The following KIF25 variants were observed in gnomAD, a reference collection of about 807,000 sequenced individuals.
KIF25 encodes kinesin-like protein KIF25.
A neutral mutation model predicts 32.9 loss-of-function variants in KIF25; 19 were observed. That is an observed-to-expected ratio of 0.58 (90% CI 0.40 to 0.85). The LOEUF is 0.85. Ranked by LOEUF, KIF25 falls within the 40% of genes least tolerant of loss-of-function variation. The pLI, the probability that KIF25 is intolerant of heterozygous loss-of-function variation, is 0.00. For missense variants in KIF25, 485 were observed against 507.0 expected (o/e 0.96, Z 0.42); for synonymous variants, 225 against 213.7 (o/e 1.05, Z -0.46).
chr6:168,001,079 T>G lies in KIF25; in HGVS notation c.-369-1464T>G, dbSNP rs1798494310. On this transcript the variant is annotated intron_variant, in intron 2 of 12. Coordinates refer to ENST00000643607, the MANE Select transcript of KIF25 (RefSeq NM_030615.4). The stretch of plus-strand genomic sequence containing the variant: ...GTACTTTCTGCACTTTTTTGACTGG[T>G]GGCCACTTGTCACTTGTCAAAGGAC... Among the ~76,000 whole-genome samples the G allele has an allele frequency of 2.0e-5, 3 of 152,384 alleles. No homozygotes were observed. In the South Asian group the frequency reaches 6.2e-4, roughly 32 times the overall value.
In KIF25 at chr6:168,030,789, G is replaced by C; in HGVS notation, c.109G>C (p.Glu37Gln). The C allele has an allele frequency of 6.2e-7, 1 of 1,612,910 alleles. No individual in the cohort carries two copies. The highest frequency in any genetic ancestry group is 8.5e-7 in the Non-Finnish European group (1 of 1,179,550). ...DKDLRVYGPA[E>Q]SQSAVFGDVC... is the part of the protein sequence containing the mutation. ...GTCTCTCAGGGTTTATGGTCCAGCAGAGTCTCAGAGCGCGGTCTTTGGAGA... is the reference window on the plus strand; with the variant it reads ...GTCTCTCAGGGTTTATGGTCCAGCACAGTCTCAGAGCGCGGTCTTTGGAGA... The change falls in exon 7 of 13, where the codon GAG (glutamate) becomes CAG (glutamine). Residue 37 changes from glutamate (E) to glutamine (Q), a missense_variant. By Grantham distance (29) the Glu-to-Gln change is conservative. Transcript: ENST00000643607.
At chr6:168,020,522 A>G (rs894283814) in intron 5 of KIF25, among the ~76,000 whole-genome samples, 8 of 152,138 alleles carry the variant, frequency 5.3e-5, no homozygotes, top group Non-Finnish European at 1.2e-4. Context: ...AAAAATAACA[A>G]TGGATTGTGG....
chr6:168,033,872 T>C lies in KIF25; in HGVS notation c.168-10T>C. On this transcript the variant is annotated splice_polypyrimidine_tract_variant and intron_variant, in intron 7 of 12. Coordinates refer to ENST00000643607, the MANE Select transcript of KIF25 (RefSeq NM_030615.4). ...GTGTTTTGCTGGACTGAATCTGCTCTGAATTTTAGGTACAATGTTTGTGTT... is the reference window on the plus strand; with the variant it reads ...GTGTTTTGCTGGACTGAATCTGCTCCGAATTTTAGGTACAATGTTTGTGTT... 6.2e-7 allele frequency: 1 copy of C among 1,609,962 alleles called. No homozygotes were observed.
rs1489893370 is a variant in KIF25 at position 168,030,761 on chromosome 6, T to G, written c.93-12T>G. ...GCTTCTATTAATACAGCATTTTCAC[T>G]TTGTCTCTCAGGGTTTATGGTCCAG... is the stretch of plus-strand genomic sequence containing the variant. On this transcript the variant is annotated splice_polypyrimidine_tract_variant and intron_variant, in intron 6 of 12. Coordinates refer to ENST00000643607, the MANE Select transcript of KIF25 (RefSeq NM_030615.4). 2 of 1,602,940 alleles carry G rather than the reference T, an allele frequency of 1.2e-6. No individual in the cohort carries two copies. Among genetic ancestry groups the G allele is most frequent in the East Asian group, 4.5e-5 (2 of 44,104 alleles).
intron 8 of KIF25, among the ~76,000 whole-genome samples, chr6:168,034,884 C>T (rs1264364282): frequency 1.3e-5 from 2 of 152,092 alleles, no homozygotes; most frequent in Admixed American, 1.3e-4. Context: ...AGTGGCCGGG[C>T]GCGGTGGTTC....
chr6:167,999,749 T>G (rs1798471388), intron 2 of KIF25, among the ~76,000 whole-genome samples: 2 of 152,220 alleles, frequency 1.3e-5, no homozygotes, highest in East Asian at 1.9e-4. Context: ...TTGACTCAAC[T>G]GATACTTTTG....
At chr6:168,007,861 T>A (rs1798599033) in intron 4 of KIF25, among the ~76,000 whole-genome samples, 1 of 152,192 alleles carries the variant, frequency 6.6e-6, no homozygotes, top group African/African-American at 2.4e-5. Flanking sequence ...ATTTCCTTAA[T>A]CTTAGGATCC....
At chr6:168,019,415 G>A (rs1305530840) in intron 5 of KIF25, among the ~76,000 whole-genome samples, 1 of 152,176 alleles carries the variant, frequency 6.6e-6, no homozygotes, top group Non-Finnish European at 1.5e-5. Flanking sequence ...CACGTTGAGT[G>A]GAGATATGAA....
At chr6:168,015,431 T>C (rs756966829) in intron 4 of KIF25, among the ~76,000 whole-genome samples, 11 of 152,242 alleles carry the variant, frequency 7.2e-5, no homozygotes, top group South Asian at 4.1e-4. Flanking sequence ...CTACAGCATG[T>C]AAATGTAAGG....
At chr6:168,008,413 T>C (rs1048964838) in intron 4 of KIF25, among the ~76,000 whole-genome samples, 3 of 152,222 alleles carry the variant, frequency 2.0e-5, no homozygotes, top group Non-Finnish European at 2.9e-5. Flanking sequence ...CTGGGTTCTC[T>C]ATTCTGTTCC....
chr6:167,999,527 C>G (rs1318205840), intron 2 of KIF25, among the ~76,000 whole-genome samples: 2 of 152,220 alleles, frequency 1.3e-5, no homozygotes, highest in African/African-American at 4.8e-5. Context: ...CTGCAAAAGG[C>G]CAAACTGCCT....
At chr6:168,034,421 G>C (rs1421685981) in intron 8 of KIF25, among the ~76,000 whole-genome samples, 1 of 152,146 alleles carries the variant, frequency 6.6e-6, no homozygotes, top group African/African-American at 2.4e-5. Context: ...ACCACACCCA[G>C]CTAATTTTTG....
Position 168,005,502 on chromosome 6 carries a change from G to T in KIF25, c.-163+1799G>T, listed in dbSNP as rs560958536. On this transcript the variant is annotated intron_variant, in intron 4 of 12. Coordinates refer to ENST00000643607, the MANE Select transcript of KIF25 (RefSeq NM_030615.4). ...TGTCTGTGCAGAGCTGCTCAGCTTCGACCCTGTATTAGCCAGGGATCTCTA... is the reference window on the plus strand; with the variant it reads ...TGTCTGTGCAGAGCTGCTCAGCTTCTACCCTGTATTAGCCAGGGATCTCTA... 1.8e-4 allele frequency among the ~76,000 whole-genome samples: 27 copies of T among 152,292 alleles called. No homozygotes were observed. The South Asian group carries it at 5.6e-3, about 32-fold the overall frequency.
intron 5 of KIF25, among the ~76,000 whole-genome samples, chr6:168,022,460 C>CT (rs1247839063): frequency 6.6e-6 from 1 of 152,192 alleles, no homozygotes; most frequent in Non-Finnish European, 1.5e-5. Context: ...GACTCTCACT[C>CT]TATCACCCAG....
intron 6 of KIF25, among the ~76,000 whole-genome samples, chr6:168,030,357 C>G (rs991918555): frequency 7.9e-5 from 12 of 151,790 alleles, no homozygotes; most frequent in African/African-American, 2.9e-4. Flanking sequence ...ATTATTGGGC[C>G]CTCTAAAGTA....
chr6:168,033,762 G>C (rs1207651802), intron 7 of KIF25, 120 bp from the exon 8 acceptor site: 2 of 1,025,514 alleles, frequency 2.0e-6, no homozygotes, highest in African/African-American at 1.6e-5. Flanking sequence ...ATAAGAAATG[G>C]AGTAACAGGA....
intron 5 of KIF25, among the ~76,000 whole-genome samples, chr6:168,024,814 G>C (rs966532626): frequency 6.6e-6 from 1 of 152,112 alleles, no homozygotes; most frequent in East Asian, 1.9e-4. Context: ...ACTTTGGGAG[G>C]TCTAGGTGGG....
intron 8 of KIF25, among the ~76,000 whole-genome samples, chr6:168,038,183 A>G (rs1412481615): frequency 6.6e-6 from 1 of 152,214 alleles, no homozygotes; most frequent in Non-Finnish European, 1.5e-5. Flanking sequence ...AGTCCTGAAC[A>G]TCCTTGCAGC....
Position 168,030,767 on chromosome 6 carries a change from T to C in KIF25, c.93-6T>C. The C allele has an allele frequency of 1.9e-6, 3 of 1,606,828 alleles. No homozygotes were observed. Among genetic ancestry groups the C allele is most frequent in the Non-Finnish European group, 2.5e-6 (3 of 1,177,372 alleles). Reference sequence around the variant, plus strand: ...ATTAATACAGCATTTTCACTTTGTCTCTCAGGGTTTATGGTCCAGCAGAGT... The same window carrying C: ...ATTAATACAGCATTTTCACTTTGTCCCTCAGGGTTTATGGTCCAGCAGAGT... On this transcript the variant is annotated splice_polypyrimidine_tract_variant and splice_region_variant and intron_variant, in intron 6 of 12. Transcript: ENST00000643607.
Sources: gnomAD v4.1 joint callset for allele counts (sites outside exome capture counted in the v4.1 genomes callset) on GRCh38, gnomAD v4.1.1 for gene constraint, MANE v1.5 for transcripts, NCBI Gene and HGNC (gene_info 2026-07-23, HGNC 2026-07-21) for gene names.